The following ESRRG variants were observed in gnomAD, a reference collection of about 807,000 sequenced individuals.
ESRRG encodes estrogen related receptor gamma.
In ESRRG, 13 loss-of-function variants were observed where a neutral mutation model predicts 44.0. The observed-to-expected ratio is 0.30, with a 90% confidence interval of 0.19 to 0.47. The LOEUF (loss-of-function observed/expected upper bound fraction) is 0.47. Ranked by LOEUF, ESRRG falls within the 20% of genes least tolerant of loss-of-function variation. ESRRG has a pLI of 1.00. For synonymous variants in ESRRG, 215 were observed against 214.6 expected, an observed-to-expected ratio of 1.00 and a Z score of -0.02; for missense variants, 395 against 580.6, an observed-to-expected ratio of 0.68 and a Z score of 3.29.
intron 2 of ESRRG, among the ~76,000 whole-genome samples, chr1:216,781,807 A>G (rs1454591194): frequency 6.6e-6 from 1 of 152,052 alleles, no homozygotes; most frequent in Non-Finnish European, 1.5e-5. Context: ...ACAATTCCCA[A>G]GAATTATTAT....
chr1:216,719,474 A>G (rs1033644807), intron 1 of ESRRG, among the ~76,000 whole-genome samples: 72 of 152,166 alleles, frequency 4.7e-4, no homozygotes, highest in African/African-American at 1.6e-3. Flanking sequence ...TGAAAAATTT[A>G]GAGTTAAAGC....
intron 2 of ESRRG, among the ~76,000 whole-genome samples, chr1:216,651,634 G>C (rs1301991886): frequency 6.6e-6 from 1 of 152,108 alleles, no homozygotes; most frequent in African/African-American, 2.4e-5. Flanking sequence ...GCACTTACCA[G>C]AGCCTTACAA....
At chr1:216,799,847 A>C (rs1347821039) in intron 2 of ESRRG, among the ~76,000 whole-genome samples, 1 of 152,182 alleles carries the variant, frequency 6.6e-6, no homozygotes, top group Admixed American at 6.6e-5. Context: ...ATTTATCTGG[A>C]ATGATAGATG....
At chr1:216,806,529 G>A (rs143706624) in intron 2 of ESRRG, among the ~76,000 whole-genome samples, 7 of 152,250 alleles carry the variant, frequency 4.6e-5, no homozygotes, top group East Asian at 1.9e-4. Flanking sequence ...GCTTATCAAC[G>A]TGAGGCATGA....
intron 3 of ESRRG, among the ~76,000 whole-genome samples, chr1:216,618,668 T>C (rs2061751460): frequency 6.6e-6 from 1 of 152,226 alleles, no homozygotes; most frequent in Non-Finnish European, 1.5e-5. Context: ...CATCTTAGAA[T>C]GCTAAAGAAA....
At chr1:216,838,149 A>G (rs10779280) in intron 2 of ESRRG, among the ~76,000 whole-genome samples, 69,090 of 151,978 alleles carry the variant, frequency 0.45, 17,056 homozygotes, top group African/African-American at 0.65. Context: ...CCTTTCTCTT[A>G]CCTTAGATCT....
intron 2 of ESRRG, among the ~76,000 whole-genome samples, chr1:216,885,030 C>T (rs2096495821): frequency 6.6e-6 from 1 of 151,938 alleles, no homozygotes; most frequent in South Asian, 2.1e-4. Context: ...GTACTGGGTC[C>T]CTGAAAGGAA....
In ESRRG at chr1:216,833,432, T is replaced by C. The variant is rs187259570; in HGVS notation, c.-14+106150A>G. Reference sequence around the variant, plus strand: ...CTACAATTTCCTGGGCTATCTGTACTAATAATTACAAGATATCTGCTTGTA... The same window carrying C: ...CTACAATTTCCTGGGCTATCTGTACCAATAATTACAAGATATCTGCTTGTA... On this transcript the variant is annotated intron_variant, in intron 2 of 7. Coordinates refer to the ESRRG transcript ENST00000359162. Among the ~76,000 whole-genome samples, 266 of 152,338 alleles carry C rather than the reference T, an allele frequency of 1.7e-3. 2 individuals carry two copies. Among genetic ancestry groups the C allele is most frequent in the African/African-American group, 6.3e-3 (260 of 41,576 alleles).
intron 1 of ESRRG, among the ~76,000 whole-genome samples, chr1:217,106,285 A>G (rs562058970): frequency 3.9e-4 from 59 of 152,092 alleles, no homozygotes; most frequent in African/African-American, 1.3e-3. Flanking sequence ...AAATGGCAAC[A>G]TGAATGAAGG....
chr1:216,516,856 GAATAA>G (rs2044490518), intron 6 of ESRRG, among the ~76,000 whole-genome samples: 1 of 152,032 alleles, frequency 6.6e-6, no homozygotes, highest in Admixed American at 6.6e-5. Context: ...GTCAAAAATG[GAATAA>G]AATAACATCA....
At chr1:216,585,512 GAA>G (rs11320052) in intron 3 of ESRRG, among the ~76,000 whole-genome samples, 8 of 148,250 alleles carry the variant, frequency 5.4e-5, no homozygotes, top group African/African-American at 1.5e-4. Flanking sequence ...AATATTCACT[GAA>G]AAAAAAAAAT....
chr1:216,723,209 G>T, intron 1 of ESRRG, 35 bp downstream of exon 1: 1 of 743,830 alleles, frequency 1.3e-6, no homozygotes. Context: ...GCACCCCCAC[G>T]ACGAGTTTAA....
At chr1:216,821,720 A>T (rs2095299252) in intron 2 of ESRRG, among the ~76,000 whole-genome samples, 1 of 147,508 alleles carries the variant, frequency 6.8e-6, no homozygotes. Flanking sequence ...AAATAAATAA[A>T]TAAATAAATA....
At chr1:216,828,865 G>T (rs1425119675) in intron 2 of ESRRG, among the ~76,000 whole-genome samples, 1 of 152,098 alleles carries the variant, frequency 6.6e-6, no homozygotes, top group Non-Finnish European at 1.5e-5. Flanking sequence ...CCTAGTCTGT[G>T]TGGTATTTAT....
At chr1:216,968,274 C>A (rs990498676) in intron 1 of ESRRG, among the ~76,000 whole-genome samples, 1 of 151,858 alleles carries the variant, frequency 6.6e-6, no homozygotes, top group African/African-American at 2.4e-5. Context: ...TGAATTGTAC[C>A]TTTGGTGCTG....
intron 1 of ESRRG, among the ~76,000 whole-genome samples, chr1:217,055,370 G>A (rs1417663390): frequency 6.6e-6 from 1 of 152,142 alleles, no homozygotes; most frequent in Admixed American, 6.5e-5. Flanking sequence ...TGGCTGTACA[G>A]GAGAACCACC....
At chr1:216,698,463 G>A (rs2080696722) in intron 1 of ESRRG, among the ~76,000 whole-genome samples, 1 of 145,784 alleles carries the variant, frequency 6.9e-6, no homozygotes, top group Non-Finnish European at 1.5e-5. Context: ...AGCTTGCAGT[G>A]AGCCGAGATC....
At chr1:217,020,175 G>A (rs868643101) in intron 1 of ESRRG, among the ~76,000 whole-genome samples, 4 of 152,060 alleles carry the variant, frequency 2.6e-5, no homozygotes, top group Non-Finnish European at 4.4e-5. Flanking sequence ...AAATAATCCC[G>A]GGGAAAAACA....
At chr1:217,064,022 T>C (rs759076003) in intron 1 of ESRRG, among the ~76,000 whole-genome samples, 2 of 151,882 alleles carry the variant, frequency 1.3e-5, no homozygotes, top group South Asian at 4.1e-4. Flanking sequence ...AATAGGTGTG[T>C]GTATATATAC....
Sources: gnomAD v4.1 joint callset for allele counts (sites outside exome capture counted in the v4.1 genomes callset) on GRCh38, gnomAD v4.1.1 for gene constraint, MANE v1.5 for transcripts, NCBI Gene and HGNC (gene_info 2026-07-23, HGNC 2026-07-21) for gene names.